The following HEMK2 variants were observed in gnomAD, a reference collection of about 807,000 sequenced individuals.
HEMK2 encodes methyltransferase HEMK2.
the HEMK2 span, among the ~76,000 whole-genome samples, chr21:28,630,644 C>T: frequency 6.6e-6 from 1 of 151,402 alleles, no homozygotes; most frequent in African/African-American, 2.4e-5. Flanking sequence ...ATGGATGAAA[C>T]TGGAAACCAT....
the HEMK2 span, among the ~76,000 whole-genome samples, chr21:28,745,440 C>T: frequency 6.6e-6 from 1 of 152,126 alleles, no homozygotes; most frequent in Non-Finnish European, 1.5e-5. Context: ...GCCTTAGACC[C>T]GGACGAGAGG....
the HEMK2 span, among the ~76,000 whole-genome samples, chr21:28,788,705 C>CAA: frequency 7.9e-6 from 1 of 126,596 alleles, no homozygotes; most frequent in Non-Finnish European, 1.7e-5. Context: ...TTAGGTACTC[C>CAA]AAAAAAAAAA....
At chr21:28,764,810 C>T in the HEMK2 span, among the ~76,000 whole-genome samples, 1 of 152,126 alleles carries the variant, frequency 6.6e-6, no homozygotes, top group East Asian at 1.9e-4. Flanking sequence ...CTAGGTATTT[C>T]AGCAAATCAT....
chr21:28,614,448 A>AG, the HEMK2 span, among the ~76,000 whole-genome samples: 3 of 152,162 alleles, frequency 2.0e-5, no homozygotes, highest in Non-Finnish European at 4.4e-5. Context: ...TGTCCATCAG[A>AG]CATTTTGCAA....
At chr21:28,626,311 C>G in the HEMK2 span, among the ~76,000 whole-genome samples, 1 of 152,034 alleles carries the variant, frequency 6.6e-6, no homozygotes, top group Non-Finnish European at 1.5e-5. Context: ...AAGTAGTAAA[C>G]TTTGATAAGT....
At chr21:28,776,876 C>G in the HEMK2 span, among the ~76,000 whole-genome samples, 1 of 152,184 alleles carries the variant, frequency 6.6e-6, no homozygotes, top group Admixed American at 6.5e-5. Flanking sequence ...GCTCTGGCAG[C>G]TGATTAGATG....
At chr21:28,687,272 T>C in the HEMK2 span, among the ~76,000 whole-genome samples, 1 of 152,224 alleles carries the variant, frequency 6.6e-6, no homozygotes, top group East Asian at 1.9e-4. Context: ...GCAAACATAC[T>C]GCACCTGGGG....
the HEMK2 span, among the ~76,000 whole-genome samples, chr21:28,870,618 C>T: frequency 6.6e-6 from 1 of 152,084 alleles, no homozygotes; most frequent in Non-Finnish European, 1.5e-5. Flanking sequence ...CCATGCTGGT[C>T]CCAAACTCCT....
chr21:28,858,924 T>C, the HEMK2 span, among the ~76,000 whole-genome samples: 1 of 152,302 alleles, frequency 6.6e-6, no homozygotes, highest in East Asian at 1.9e-4. Flanking sequence ...TATCCTCACA[T>C]ATCTCTCTGT....
At chr21:28,864,957 G>A in the HEMK2 span, among the ~76,000 whole-genome samples, 1 of 139,260 alleles carries the variant, frequency 7.2e-6, no homozygotes, top group Non-Finnish European at 1.6e-5. Flanking sequence ...ATAGATACAG[G>A]TATTCAATCA....
the HEMK2 span, among the ~76,000 whole-genome samples, chr21:28,623,102 T>A: frequency 1.3e-5 from 2 of 151,870 alleles, no homozygotes; most frequent in Non-Finnish European, 2.9e-5. Flanking sequence ...AAAGGCCTTG[T>A]AGATCCTTCA....
chr21:28,802,856 T>C, the HEMK2 span, among the ~76,000 whole-genome samples: 1 of 152,202 alleles, frequency 6.6e-6, no homozygotes, highest in Non-Finnish European at 1.5e-5. Context: ...TAAAAATAAA[T>C]AAATGAGTCT....
At chr21:28,857,117 A>G in the HEMK2 span, among the ~76,000 whole-genome samples, 1 of 152,240 alleles carries the variant, frequency 6.6e-6, no homozygotes, top group African/African-American at 2.4e-5. Context: ...CAGAGTTTAT[A>G]GTTTCCCTTT....
At chr21:28,792,069 C>T in the HEMK2 span, among the ~76,000 whole-genome samples, 1 of 152,270 alleles carries the variant, frequency 6.6e-6, no homozygotes, top group Middle Eastern at 3.4e-3. Flanking sequence ...GACACTCCTA[C>T]CAATGTCAGG....
At chr21:28,750,669 C>T in the HEMK2 span, among the ~76,000 whole-genome samples, 1 of 149,394 alleles carries the variant, frequency 6.7e-6, no homozygotes, top group East Asian at 2.0e-4. Flanking sequence ...CCGTTGCACT[C>T]CCTCCTGGGT....
chr21:28,677,700 T>C, the HEMK2 span, among the ~76,000 whole-genome samples: 1 of 152,148 alleles, frequency 6.6e-6, no homozygotes, highest in African/African-American at 2.4e-5. Flanking sequence ...GAGACAAAAC[T>C]TCCAGAGGAA....
the HEMK2 span, among the ~76,000 whole-genome samples, chr21:28,846,122 T>G: frequency 6.6e-6 from 1 of 152,178 alleles, no homozygotes; most frequent in Non-Finnish European, 1.5e-5. Context: ...GCAAAGAACA[T>G]AATCTTATTC....
chr21:28,879,889 A>G, the HEMK2 span: 3 of 1,599,218 alleles, frequency 1.9e-6, no homozygotes, highest in Non-Finnish European at 2.6e-6. Flanking sequence ...TGGAGTCACT[A>G]CATAGGGGGG....
At chr21:28,873,409 C>T in the HEMK2 span, 2 of 152,222 alleles carry the variant, frequency 1.3e-5, no homozygotes, top group Non-Finnish European at 2.9e-5. Flanking sequence ...CAATCACAGT[C>T]TGTGTTTCTG....
Sources: gnomAD v4.1 joint callset for allele counts (sites outside exome capture counted in the v4.1 genomes callset) on GRCh38, gnomAD v4.1.1 for gene constraint, MANE v1.5 for transcripts, NCBI Gene and HGNC (gene_info 2026-07-23, HGNC 2026-07-21) for gene names.